WNT3A: variants seen among roughly 807,000 people sequenced by gnomAD.
The protein encoded by WNT3A is protein Wnt-3a.
WNT3A carries 17 observed loss-of-function variants against 37.0 expected under a neutral mutation model. That is an observed-to-expected ratio of 0.46 (90% CI 0.31 to 0.69). WNT3A has a LOEUF of 0.69. Among genes scored for constraint, WNT3A ranks in the 30% least tolerant of loss-of-function variants. WNT3A has a pLI of 0.05. For synonymous variants in WNT3A, 187 were observed against 211.0 expected (o/e 0.89, Z 0.99); for missense variants, 411 against 510.2 (o/e 0.81, Z 1.87).
At chr1:228,024,194 C>T (rs552563977) in intron 2 of WNT3A, among the ~76,000 whole-genome samples, 2 of 152,162 alleles carry the variant, frequency 1.3e-5, no homozygotes, top group East Asian at 3.9e-4. Context: ...AATTCTGTTT[C>T]GCTTTGCTTG....
intron 2 of WNT3A, among the ~76,000 whole-genome samples, chr1:228,023,857 C>T (rs1034514852): frequency 2.0e-5 from 3 of 152,230 alleles, no homozygotes; most frequent in African/African-American, 2.4e-5. Flanking sequence ...GGCACCCACC[C>T]GCCTGCCTTC....
At chr1:228,057,946 T>G (rs1209419123) in intron 3 of WNT3A, among the ~76,000 whole-genome samples, 1 of 152,142 alleles carries the variant, frequency 6.6e-6, no homozygotes. Context: ...CTCAAGCAAT[T>G]CTGCCTCTGC....
rs1372749020 is a variant in WNT3A at position 228,059,129 on chromosome 1, G to T, written c.723G>T (p.Met241Ile). The change falls in exon 4 of 4, where the codon ATG (methionine) becomes ATT (isoleucine). Residue 241 changes from methionine (M) to isoleucine (I), a missense_variant. Transcript: ENST00000284523. ...LKDKYDSASE[M>I]VVEKHRESRG... is the part of the protein sequence containing the mutation. Reference sequence around the variant, plus strand: ...ACAAGTACGACAGCGCCTCGGAGATGGTGGTGGAGAAGCACCGGGAGTCCC... The same window carrying T: ...ACAAGTACGACAGCGCCTCGGAGATTGTGGTGGAGAAGCACCGGGAGTCCC... 1 of 1,613,648 alleles carries T rather than the reference G, an allele frequency of 6.2e-7. No homozygotes were observed. Among genetic ancestry groups the T allele is most frequent in the Non-Finnish European group, 8.5e-7 (1 of 1,180,010 alleles).
chr1:228,055,176 AAAAATATATATATATATATATATATATAT>A (rs1203424069), intron 3 of WNT3A, among the ~76,000 whole-genome samples: 9 of 59,084 alleles, frequency 1.5e-4, no homozygotes, highest in East Asian at 6.0e-4. Context: ...AAAAAAAAAA[AAAAATATATATATATATATATATATATAT>A]ATATATATAT....
chr1:228,050,196 C>A lies in WNT3A; in HGVS notation c.314-460C>A, dbSNP rs2031513322. On this transcript the variant is annotated intron_variant, in intron 2 of 3. Coordinates refer to ENST00000284523, the MANE Select transcript of WNT3A (RefSeq NM_033131.4). This position sits in a 1 kb window ranked among gnomAD's most constrained non-coding sequence, Gnocchi z 5.0. Reference sequence around the variant, plus strand: ...CCTCCCAAGTAGTTGGGGCCACATCCAGTTAATATTTTTAGTTTTTGTAGA... The same window carrying A: ...CCTCCCAAGTAGTTGGGGCCACATCAAGTTAATATTTTTAGTTTTTGTAGA... Among the ~76,000 whole-genome samples the A allele has an allele frequency of 6.6e-6, 1 of 151,644 alleles. No homozygotes were observed. Among genetic ancestry groups the A allele is most frequent in the African/African-American group, 2.4e-5 (1 of 41,196 alleles).
intron 1 of WNT3A, among the ~76,000 whole-genome samples, chr1:228,012,039 G>C (rs74143612): frequency 0.013 from 1,905 of 152,364 alleles, 19 homozygotes; most frequent in Middle Eastern, 0.024. Flanking sequence ...GACTCACGGG[G>C]CTTGTTCTAA....
intron 3 of WNT3A, 38 bp from the exon 4 acceptor site, chr1:228,058,948 G>C: frequency 6.4e-7 from 1 of 1,567,568 alleles, no homozygotes; most frequent in South Asian, 1.2e-5. Flanking sequence ...ACGCACCAGG[G>C]GGCCGCCCTG....
intron 2 of WNT3A, 144 bp downstream of exon 2, chr1:228,023,052 A>T: frequency 7.4e-7 from 1 of 1,342,672 alleles, no homozygotes; most frequent in Non-Finnish European, 9.9e-7. Context: ...TACCTCCAGG[A>T]GGACGGTCTG....
rs1398874993 is a variant in WNT3A, at chr1:228,039,384, C to T, written c.314-11272C>T. Among the ~76,000 whole-genome samples the T allele has an allele frequency of 6.6e-6, 1 of 152,152 alleles. No individual in the cohort carries two copies. The highest frequency in any genetic ancestry group is 1.5e-5 in the Non-Finnish European group (1 of 68,026). ...TCCCAGAGCCTGTGACCAAGGTACC[C>T]ACCTCCAGGAAGAGGCCAGGCCAGA... On this transcript the variant is annotated intron_variant, in intron 2 of 3. Transcript: ENST00000284523. This position sits in a 1 kb window ranked among gnomAD's most constrained non-coding sequence, Gnocchi z 4.1.
chr1:228,043,501 G>A (rs532633510), intron 2 of WNT3A, among the ~76,000 whole-genome samples: 39 of 152,322 alleles, frequency 2.6e-4, no homozygotes, highest in African/African-American at 8.9e-4. Flanking sequence ...GGGATGGCTG[G>A]CACTTCCCAC....
chr1:228,019,041 CT>C (rs1186603921), intron 1 of WNT3A, among the ~76,000 whole-genome samples: 1 of 152,248 alleles, frequency 6.6e-6, no homozygotes, highest in East Asian at 1.9e-4. Flanking sequence ...CTGGAGCCAC[CT>C]CTGGCCTGGC....
chr1:228,017,267 C>T (rs2030562316), intron 1 of WNT3A, among the ~76,000 whole-genome samples: 1 of 152,074 alleles, frequency 6.6e-6, no homozygotes, highest in African/African-American at 2.4e-5. Context: ...AGGTGGAGGC[C>T]AGGTAAGGGG....
intron 1 of WNT3A, among the ~76,000 whole-genome samples, chr1:228,021,319 G>T (rs962982379): frequency 2.0e-5 from 3 of 152,212 alleles, no homozygotes; most frequent in Non-Finnish European, 4.4e-5. Context: ...AACGGCACAG[G>T]TGTCGAATGC....
At chr1:228,052,638 G>T (rs1355353829) in intron 3 of WNT3A, among the ~76,000 whole-genome samples, 2 of 152,196 alleles carry the variant, frequency 1.3e-5, no homozygotes, top group African/African-American at 4.8e-5. Flanking sequence ...GACCTTGGCT[G>T]TAGAATCAGG....
At chr1:228,036,984 C>T (rs1017908563) in intron 2 of WNT3A, among the ~76,000 whole-genome samples, 2 of 152,190 alleles carry the variant, frequency 1.3e-5, no homozygotes, top group South Asian at 2.1e-4. Flanking sequence ...CCCACATGCT[C>T]GGTGCCCTCT....
At chr1:228,021,265 T>C (rs2030698420) in intron 1 of WNT3A, among the ~76,000 whole-genome samples, 1 of 152,254 alleles carries the variant, frequency 6.6e-6, no homozygotes, top group East Asian at 1.9e-4. Context: ...GAGTTTTACA[T>C]TTCTTGCATT....
At chr1:228,020,550 A>G (rs567622089) in intron 1 of WNT3A, among the ~76,000 whole-genome samples, 7 of 152,264 alleles carry the variant, frequency 4.6e-5, no homozygotes, top group African/African-American at 1.2e-4. Context: ...AGGAAGAGAG[A>G]GGATGAGGAA....
intron 3 of WNT3A, among the ~76,000 whole-genome samples, chr1:228,055,179 A>AAAAAATAT (rs2031655964): frequency 5.2e-5 from 1 of 19,284 alleles, no homozygotes; most frequent in African/African-American, 2.2e-4. Context: ...AAAAAAAAAA[A>AAAAAATAT]ATATATATAT....
Position 228,050,972 on chromosome 1 carries a change from G to T in WNT3A, c.579+51G>T. On this transcript the variant is annotated intron_variant, in intron 3 of 3. Transcript: ENST00000284523. The surrounding 1 kb of genome is among the most constrained non-coding windows in gnomAD (Gnocchi z 5.0). ...TTGGGAAAAAGGAGCCTCCTCAGCA[G>T]GGTGTGTGCCCTGGTTCCTTGGGGC... 1 of 1,484,362 alleles carries T rather than the reference G, an allele frequency of 6.7e-7. No homozygotes were observed. The highest frequency in any genetic ancestry group is 1.4e-5 in the South Asian group (1 of 72,812). 91.9% of individuals were successfully genotyped at this position (1,484,362 alleles called of 1,614,324 possible). A position where few individuals can be genotyped will look rare whatever the true frequency, so the allele number is the denominator to read the frequency against.
Sources: allele counts gnomAD v4.1 joint callset (sites outside exome capture counted in the v4.1 genomes callset), GRCh38; gene constraint gnomAD v4.1.1; non-coding constraint Gnocchi (gnomAD v3.1); transcripts MANE v1.5; gene names NCBI Gene and HGNC (gene_info 2026-07-23, HGNC 2026-07-21).